SLC7A5: variants seen among roughly 807,000 people sequenced by gnomAD.
The protein encoded by SLC7A5 is large neutral amino acids transporter small subunit 1.
A neutral mutation model predicts 50.2 loss-of-function variants in SLC7A5; 23 were observed. The ratio of observed to expected loss-of-function variants is 0.46; its 90% CI spans 0.33 to 0.65. The LOEUF (loss-of-function observed/expected upper bound fraction) is 0.65, where lower values mean the gene tolerates loss of function less well. Among genes scored for constraint, SLC7A5 ranks in the 30% least tolerant of loss-of-function variants. The probability of loss-of-function intolerance (pLI) is 0.02; values close to 1 mark genes in which losing one functional copy is unlikely to be tolerated. For missense variants in SLC7A5, 578 were observed against 684.4 expected (o/e 0.84, Z 1.73); for synonymous variants, 393 against 330.6 (o/e 1.19, Z -2.05).
At chr16:87,854,076 C>A (rs1411494983) in intron 1 of SLC7A5, 3 of 135,650 alleles carry the variant, frequency 2.2e-5, no homozygotes, top group African/African-American at 5.4e-5. Flanking sequence ...CCCCCCGCCC[C>A]CCCCCCCACC....
At chr16:87,856,226 T>C (rs1352942364) in intron 1 of SLC7A5, among the ~76,000 whole-genome samples, 1 of 152,210 alleles carries the variant, frequency 6.6e-6, no homozygotes, top group Admixed American at 6.5e-5. Context: ...AATGACAGGC[T>C]GTGTTCCGCG....
intron 1 of SLC7A5, among the ~76,000 whole-genome samples, chr16:87,856,899 T>C (rs1219475911): frequency 6.6e-6 from 1 of 152,124 alleles, no homozygotes; most frequent in East Asian, 1.9e-4. Flanking sequence ...GTCCGGGAGA[T>C]GGAGACAACA....
Position 87,851,845 on chromosome 16 carries a change from C to T in SLC7A5, c.543G>A (p.Leu181=), listed in dbSNP as rs753028077. Residue 181 remains leucine, a synonymous_variant, in exon 2 of 10, where the codon CTG becomes CTA. Transcript: ENST00000261622. ...AKLVACLCVL[L]LTAVNCYSVK... is the part of the protein sequence containing the mutation. ...CGCTGTAGCAGTTCACGGCCGTGAG[C>T]AGCACTGTGGAGACAGAGGGCAGCG... 1 of 1,612,998 alleles carries T rather than the reference C, an allele frequency of 6.2e-7. No individual in the cohort carries two copies. Among genetic ancestry groups the T allele is most frequent in the Non-Finnish European group, 8.5e-7 (1 of 1,179,962 alleles).
Position 87,833,133 on chromosome 16 carries a change from G to A in SLC7A5, c.1469-108C>T, listed in dbSNP as rs33918022. On this transcript the variant is annotated intron_variant, in intron 9 of 9. Coordinates refer to ENST00000261622, the MANE Select transcript of SLC7A5 (RefSeq NM_003486.7). The surrounding 1 kb of genome is among the most constrained non-coding windows in gnomAD (Gnocchi z 6.0). The stretch of plus-strand genomic sequence containing the variant: ...CAGCCCTGCTGTCACCAAACCCAGC[G>A]CCGCTGCCCAGCGCTGGGATTTTAA... 4,433 of 909,508 alleles carry A rather than the reference G, an allele frequency of 4.9e-3. 99 individuals are homozygous for A. In the African/African-American group the frequency reaches 0.063, roughly 13 times the overall value. 56.3% of individuals were successfully genotyped at this position (909,508 alleles called of 1,614,324 possible).
chr16:87,834,078 T>C (rs955083010), intron 9 of SLC7A5, among the ~76,000 whole-genome samples: 8 of 152,162 alleles, frequency 5.3e-5, no homozygotes, highest in Non-Finnish European at 1.2e-4. Context: ...GGTCTTGAAC[T>C]CCTGACCTCA....
intron 1 of SLC7A5, among the ~76,000 whole-genome samples, chr16:87,867,840 G>A (rs150048886): frequency 0.1 from 15,365 of 152,230 alleles, 908 homozygotes; most frequent in African/African-American, 0.15. Flanking sequence ...TTGAGGCCGG[G>A]CACGGTGGCT....
intron 1 of SLC7A5, among the ~76,000 whole-genome samples, chr16:87,864,681 C>G (rs996006638): frequency 6.6e-6 from 1 of 152,238 alleles, no homozygotes; most frequent in East Asian, 1.9e-4. Context: ...GGGTCCCAGC[C>G]GCTTATAGGC....
chr16:87,835,362 T>C (rs2054986230), intron 8 of SLC7A5, among the ~76,000 whole-genome samples: 1 of 152,226 alleles, frequency 6.6e-6, no homozygotes, highest in Non-Finnish European at 1.5e-5. Context: ...CCCTGTGCCC[T>C]AGGCACTGCC....
At chr16:87,854,684 G>A (rs2055291849) in intron 1 of SLC7A5, among the ~76,000 whole-genome samples, 1 of 152,274 alleles carries the variant, frequency 6.6e-6, no homozygotes, top group Admixed American at 6.5e-5. Context: ...GCTGGGCCAG[G>A]AGATAAAACC....
At chr16:87,851,092 A>G (rs553800897) in intron 2 of SLC7A5, among the ~76,000 whole-genome samples, 89 of 152,294 alleles carry the variant, frequency 5.8e-4, no homozygotes, top group African/African-American at 2.0e-3. Flanking sequence ...AGTCTGGGCC[A>G]GCCAGCCTTA....
At chr16:87,851,525 T>A (rs1189856866) in intron 2 of SLC7A5, among the ~76,000 whole-genome samples, 199 bp downstream of exon 2, 1 of 152,212 alleles carries the variant, frequency 6.6e-6, no homozygotes, top group Non-Finnish European at 1.5e-5. Context: ...GGCCACGCTG[T>A]CCCACGGGAG....
Position 87,832,995 on chromosome 16 carries a change from A to T in SLC7A5, c.1499T>A (p.Met500Lys), listed in dbSNP as rs2054951814. Residue 500 changes from methionine to lysine, a missense_variant, in exon 10 of 10, where the codon ATG becomes AAG. Physicochemically the swap from Met to Lys is moderately conservative, Grantham distance 95. Transcript: ENST00000261622. This position sits in a 1 kb window ranked among gnomAD's most constrained non-coding sequence, Gnocchi z 4.6. ...CTATGTCTCCTGGGGGACCACCTGC[A>T]TGAGCTTCTGACACAGGACGGTCGT... is the stretch of plus-strand genomic sequence containing the variant. ...FSTTVLCQKL[M>K]QVVPQET The T allele has an allele frequency of 6.2e-7, 1 of 1,613,930 alleles. No homozygotes were observed. The highest frequency in any genetic ancestry group is 8.5e-7 in the Non-Finnish European group (1 of 1,179,930).
chr16:87,849,602 T>G (rs1316630565), intron 2 of SLC7A5, among the ~76,000 whole-genome samples: 1 of 152,134 alleles, frequency 6.6e-6, no homozygotes. Context: ...CGTGCCCACT[T>G]CTGGGAGGCA....
In SLC7A5 at chr16:87,833,291, C is replaced by A; in HGVS notation, c.1469-266G>T. Among the ~76,000 whole-genome samples, 1 of 152,372 alleles carries A rather than the reference C, an allele frequency of 6.6e-6. No individual in the cohort carries two copies. Among genetic ancestry groups the A allele is most frequent in the South Asian group, 2.1e-4 (1 of 4,832 alleles). On this transcript the variant is annotated intron_variant, in intron 9 of 9. Transcript: ENST00000261622. This position sits in a 1 kb window ranked among gnomAD's most constrained non-coding sequence, Gnocchi z 6.0. ...TTCAGAACCCTGGGGAGGCAGAGTG[C>A]GGCCCCTGGGGCACACGAACCAGGC... is the stretch of plus-strand genomic sequence containing the variant.
chr16:87,868,886 C>A lies in SLC7A5; in HGVS notation c.537G>T (p.Val179=). ...CCCCGGCCCGCGCCCCGTACTCACG[C>A]ACGCAGAGGCAGGCCACGAGCTTGG... ...EAAKLVACLC[V]LLLTAVNCYS... Residue 179 remains valine (V), a splice_region_variant and synonymous_variant, in exon 1 of 10, where the codon GTG becomes GTT. Coordinates refer to ENST00000261622, the MANE Select transcript of SLC7A5 (RefSeq NM_003486.7). The A allele has an allele frequency of 1.2e-6, 2 of 1,605,262 alleles. No individual in the cohort carries two copies. Among genetic ancestry groups the A allele is most frequent in the Non-Finnish European group, 1.7e-6 (2 of 1,176,778 alleles).
chr16:87,854,667 G>A (rs766818711), intron 1 of SLC7A5, among the ~76,000 whole-genome samples: 14 of 152,390 alleles, frequency 9.2e-5, no homozygotes, highest in Middle Eastern at 3.4e-3. Context: ...GCCAGCCTGC[G>A]GGGACAGCTG....
chr16:87,869,091 G>A lies in SLC7A5; in HGVS notation c.332C>T (p.Ser111Phe). 1 of 1,611,854 alleles carries A rather than the reference G, an allele frequency of 6.2e-7. No homozygotes were observed. The highest frequency in any genetic ancestry group is 8.5e-7 in the Non-Finnish European group (1 of 1,179,784). ...LCYAELGTTI[S>F]KSGGDYAYML... ...GTAGGCGTAGTCGCCGCCCGATTTG[G>A]AGATGGTGGTGCCGAGCTCCGCGTA... Residue 111 changes from serine (S) to phenylalanine (F), a missense_variant, in exon 1 of 10, where the codon TCC becomes TTC. Physicochemically the swap from Ser to Phe is radical, Grantham distance 155. Transcript: ENST00000261622.
chr16:87,839,140 G>A (rs913666174), intron 5 of SLC7A5, among the ~76,000 whole-genome samples: 14 of 152,224 alleles, frequency 9.2e-5, no homozygotes, highest in Admixed American at 8.5e-4. Context: ...TCAGCACGGT[G>A]CCCTGCCGGC....
chr16:87,837,693 C>T (rs937805510), intron 7 of SLC7A5, 152 bp downstream of exon 7: 37 of 631,920 alleles, frequency 5.9e-5, no homozygotes, highest in South Asian at 5.1e-4. Flanking sequence ...CTCCAGCGCT[C>T]TCTGGCATTC....
Sources: gnomAD v4.1 joint callset for allele counts (sites outside exome capture counted in the v4.1 genomes callset) on GRCh38, gnomAD v4.1.1 for gene constraint, Gnocchi (gnomAD v3.1) non-coding constraint, MANE v1.5 for transcripts, NCBI Gene and HGNC (gene_info 2026-07-23, HGNC 2026-07-21) for gene names.